The following ANKH variants were observed in gnomAD, a reference collection of about 807,000 sequenced individuals.
The protein encoded by ANKH is mineralization regulator ANKH.
A neutral mutation model predicts 49.0 loss-of-function variants in ANKH; 15 were observed. The observed-to-expected ratio is 0.31, with a 90% confidence interval of 0.20 to 0.47. The LOEUF (loss-of-function observed/expected upper bound fraction) is 0.47. Among genes scored for constraint, ANKH ranks in the 20% least tolerant of loss-of-function variants. The probability of loss-of-function intolerance (pLI) is 1.00; values close to 1 mark genes in which losing one functional copy is unlikely to be tolerated. For synonymous variants in ANKH, 273 were observed against 260.0 expected, an observed-to-expected ratio of 1.05 and a Z score of -0.48; for missense variants, 429 against 652.0, an observed-to-expected ratio of 0.66 and a Z score of 3.72.
At chr5:14,734,372 C>G (rs559317292) in intron 8 of ANKH, among the ~76,000 whole-genome samples, 64 of 152,334 alleles carry the variant, frequency 4.2e-4, no homozygotes, top group African/African-American at 1.5e-3. Flanking sequence ...ATAAGAACCC[C>G]TTCCCCTCCC....
chr5:14,771,911 C>T (rs565179593), intron 1 of ANKH, among the ~76,000 whole-genome samples: 1 of 107,220 alleles, frequency 9.3e-6, no homozygotes, highest in Non-Finnish European at 1.8e-5. Flanking sequence ...GAGACTGTGT[C>T]TCAAAAAAAG....
intron 1 of ANKH, among the ~76,000 whole-genome samples, chr5:14,835,944 G>T (rs985790211): frequency 7.9e-5 from 12 of 152,194 alleles, no homozygotes; most frequent in Non-Finnish European, 1.8e-4. Flanking sequence ...TCATCCCTGG[G>T]ATGCAAGGCT....
At chr5:14,731,900 G>A (rs1394535447) in intron 8 of ANKH, among the ~76,000 whole-genome samples, 3 of 152,228 alleles carry the variant, frequency 2.0e-5, no homozygotes, top group Non-Finnish European at 2.9e-5. Context: ...ACAGGGCAAC[G>A]TGGGGAGAGA....
At chr5:14,802,248 T>C (rs1375194022) in intron 1 of ANKH, among the ~76,000 whole-genome samples, 2 of 152,170 alleles carry the variant, frequency 1.3e-5, no homozygotes, top group Non-Finnish European at 2.9e-5. Context: ...ATGCTCCATT[T>C]CTTAATGGCT....
intron 2 of ANKH, among the ~76,000 whole-genome samples, chr5:14,761,957 G>T (rs1248843118): frequency 6.6e-6 from 1 of 152,090 alleles, no homozygotes; most frequent in Non-Finnish European, 1.5e-5. Context: ...TAGAGATGGG[G>T]TTTCACCATG....
intron 1 of ANKH, among the ~76,000 whole-genome samples, chr5:14,868,129 C>T (rs1417856601): frequency 6.6e-6 from 1 of 152,202 alleles, no homozygotes; most frequent in Non-Finnish European, 1.5e-5. Context: ...CCCCTCCACA[C>T]ACACTGGCTC....
chr5:14,822,741 T>C (rs1741231244), intron 1 of ANKH, among the ~76,000 whole-genome samples: 1 of 152,194 alleles, frequency 6.6e-6, no homozygotes, highest in Admixed American at 6.5e-5. Context: ...GAACCTGCCA[T>C]TAAACATTAC....
intron 8 of ANKH, among the ~76,000 whole-genome samples, chr5:14,733,956 A>G (rs144730818): frequency 0.016 from 2,480 of 152,336 alleles, 85 homozygotes; most frequent in African/African-American, 0.057. Context: ...TAAGAAAACC[A>G]ATTTTTAAAA....
rs1737169014 is a variant in ANKH at position 14,711,107 on chromosome 5, AG to A, written c.*89del. Reference sequence around the variant, plus strand: ...TCATTACCAAAACAAAACAAAAAAAAGGGAACAAAATACGATGGGAGAGGGA... The same window carrying A: ...TCATTACCAAAACAAAACAAAAAAAAGGAACAAAATACGATGGGAGAGGGA... On this transcript the variant is annotated 3_prime_UTR_variant, in exon 12 of 12. Transcript: ENST00000284268. The A allele has an allele frequency of 5.9e-6, 7 of 1,178,718 alleles. No homozygotes were observed. Among genetic ancestry groups the A allele is most frequent in the Non-Finnish European group, 8.9e-6 (7 of 786,518 alleles). 73.0% of individuals were successfully genotyped at this position (1,178,718 alleles called of 1,614,324 possible).
chr5:14,763,944 C>A (rs1247411767), intron 2 of ANKH, among the ~76,000 whole-genome samples: 1 of 152,030 alleles, frequency 6.6e-6, no homozygotes, highest in East Asian at 1.9e-4. Flanking sequence ...CAAAAATTAG[C>A]TGGGTGAGGT....
In ANKH at chr5:14,707,359, T is replaced by C. The variant is rs1296446951; in HGVS notation, c.*3838A>G. The C allele has an allele frequency of 6.6e-6, 1 of 151,846 alleles. No homozygotes were observed. The highest frequency in any genetic ancestry group is 1.5e-5 in the Non-Finnish European group (1 of 67,964). The allele number at this position is 151,846 out of a possible 1,614,324, so 9.4% of individuals were successfully genotyped here. On this transcript the variant is annotated 3_prime_UTR_variant, in exon 12 of 12. Coordinates refer to ENST00000284268, the MANE Select transcript of ANKH (RefSeq NM_054027.6). ...GATGTGTTCCTAGAAACCAAGGATA[T>C]AGAAAAGTTACTCTCCCCCTGCCCC...
At position 14,705,824 on chromosome 5, in the gene ANKH, T is replaced by G. The variant is rs1736926500; in HGVS notation, c.*5373A>C. The G allele has an allele frequency of 6.6e-6, 1 of 152,480 alleles. No individual in the cohort carries two copies. Among genetic ancestry groups the G allele is most frequent in the African/African-American group, 2.4e-5 (1 of 41,430 alleles). 9.4% of individuals were successfully genotyped at this position (152,480 alleles called of 1,614,324 possible). Reference sequence around the variant, plus strand: ...TTTGTTACGCAAGGGTGGTTTGAACTTAGCTTTCAGTAGCTGTTTCATTCA... The same window carrying G: ...TTTGTTACGCAAGGGTGGTTTGAACGTAGCTTTCAGTAGCTGTTTCATTCA... On this transcript the variant is annotated 3_prime_UTR_variant, in exon 12 of 12. Transcript: ENST00000284268.
rs1740441377 is a variant in ANKH at position 14,797,920 on chromosome 5, G to A, written c.97-28729C>T. 15 of 1,601,412 alleles carry A rather than the reference G, an allele frequency of 9.4e-6. No individual in the cohort carries two copies. In the East Asian group the frequency reaches 3.3e-4, roughly 36 times the overall value. On this transcript the variant is annotated intron_variant, in intron 1 of 11. Transcript: ENST00000284268. ...GGGTTGCATTCTCCAGAAGGATCTG[G>A]TTTAGAAGGATGTTTTGTATAGTCA...
intron 1 of ANKH, among the ~76,000 whole-genome samples, chr5:14,806,321 T>TA (rs34217627): frequency 0.5 from 73,583 of 147,698 alleles, 18,152 homozygotes; most frequent in East Asian, 0.73. Flanking sequence ...TTTGGGTGGG[T>TA]AAAAAAAAAA....
At chr5:14,871,104 G>A (rs1231981790) in intron 1 of ANKH, 1 of 633,784 alleles carries the variant, frequency 1.6e-6, no homozygotes, top group Non-Finnish European at 2.9e-6. Flanking sequence ...CCCTTCCATA[G>A]GTGAAGCTTC....
intron 8 of ANKH, among the ~76,000 whole-genome samples, chr5:14,732,091 A>T (rs561891919): frequency 1.3e-5 from 2 of 152,262 alleles, no homozygotes; most frequent in African/African-American, 4.8e-5. Context: ...TGCAACTTCA[A>T]ATTGGTCCTT....
intron 1 of ANKH, among the ~76,000 whole-genome samples, chr5:14,857,201 C>T (rs1229568671): frequency 6.6e-6 from 1 of 152,136 alleles, no homozygotes; most frequent in East Asian, 1.9e-4. Context: ...CAAAGCAGTT[C>T]CCTGCAGGAG....
chr5:14,800,741 T>C (rs369919639), intron 1 of ANKH, among the ~76,000 whole-genome samples: 1 of 151,618 alleles, frequency 6.6e-6, no homozygotes, highest in African/African-American at 2.4e-5. Context: ...TTTTTTTTTT[T>C]TTTGAGACAG....
At chr5:14,727,139 C>T (rs1419297006) in intron 8 of ANKH, among the ~76,000 whole-genome samples, 3 of 152,106 alleles carry the variant, frequency 2.0e-5, no homozygotes, top group Non-Finnish European at 4.4e-5. Flanking sequence ...AAAATGACAT[C>T]TATTACTGAG....
Sources: allele counts gnomAD v4.1 joint callset (sites outside exome capture counted in the v4.1 genomes callset), GRCh38; gene constraint gnomAD v4.1.1; transcripts MANE v1.5; gene names NCBI Gene and HGNC (gene_info 2026-07-23, HGNC 2026-07-21).